COP1: variants seen among roughly 807,000 people sequenced by gnomAD.
The protein encoded by COP1 is COP1 E3 ubiquitin ligase, also known as E3 ubiquitin-protein ligase COP1.
A neutral mutation model predicts 101.3 loss-of-function variants in COP1; 24 were observed. The ratio of observed to expected loss-of-function variants is 0.24; its 90% CI spans 0.17 to 0.33. The LOEUF (loss-of-function observed/expected upper bound fraction) is 0.33, where lower values mean the gene tolerates loss of function less well. Among genes scored for constraint, COP1 ranks in the 10% least tolerant of loss-of-function variants. COP1 has a pLI of 1.00. For missense variants in COP1, 663 were observed against 906.2 expected, an observed-to-expected ratio of 0.73 and a Z score of 3.45; for synonymous variants, 347 against 341.9, an observed-to-expected ratio of 1.01 and a Z score of -0.17.
At chr1:176,048,195 C>CTTTTTTTTT (rs10680105) in intron 11 of COP1, among the ~76,000 whole-genome samples, 2 of 126,622 alleles carry the variant, frequency 1.6e-5, no homozygotes, top group Admixed American at 8.6e-5. Context: ...AATTAAAATT[C>CTTTTTTTTT]TTTTTTTTTT....
chr1:176,145,767 C>T (rs933221252), intron 6 of COP1, among the ~76,000 whole-genome samples: 4 of 152,014 alleles, frequency 2.6e-5, no homozygotes, highest in Non-Finnish European at 5.9e-5. Flanking sequence ...ACTTAAATAA[C>T]GCTCAAAAAC....
intron 18 of COP1, among the ~76,000 whole-genome samples, chr1:175,972,993 C>T (rs187396679): frequency 1.8e-4 from 27 of 151,520 alleles, no homozygotes; most frequent in Non-Finnish European, 3.1e-4. Context: ...CCACCACACC[C>T]GGGTAATTTT....
intron 3 of COP1, among the ~76,000 whole-genome samples, chr1:176,169,456 C>T (rs1036718029): frequency 6.6e-6 from 1 of 152,076 alleles, no homozygotes; most frequent in Non-Finnish European, 1.5e-5. Context: ...ATATACAAAG[C>T]GTACCTTGGA....
intron 3 of COP1, among the ~76,000 whole-genome samples, chr1:176,172,260 G>A (rs182312904): frequency 6.6e-6 from 1 of 152,242 alleles, no homozygotes; most frequent in Non-Finnish European, 1.5e-5. Context: ...CAGACTGGTC[G>A]CAAACTCATG....
intron 15 of COP1, among the ~76,000 whole-genome samples, chr1:175,998,243 T>C (rs1660750403): frequency 1.3e-5 from 2 of 149,464 alleles, no homozygotes; most frequent in South Asian, 4.2e-4. Flanking sequence ...TTCTCACTCA[T>C]AGGTGGGAAT....
intron 9 of COP1, among the ~76,000 whole-genome samples, chr1:176,093,749 A>C (rs1167859226): frequency 6.6e-6 from 1 of 152,198 alleles, no homozygotes; most frequent in South Asian, 2.1e-4. Flanking sequence ...CTCAGGCAGG[A>C]GAATGCTGTG....
intron 15 of COP1, among the ~76,000 whole-genome samples, chr1:175,993,049 C>T (rs1659049297): frequency 2.0e-5 from 3 of 152,142 alleles, no homozygotes; most frequent in South Asian, 2.1e-4. Context: ...GACAAAACTT[C>T]CAGAGGAACG....
chr1:176,184,765 A>T (rs1698241698), intron 1 of COP1, 73 bp from the exon 2 acceptor site: 2 of 988,660 alleles, frequency 2.0e-6, no homozygotes, highest in African/African-American at 3.3e-5. Flanking sequence ...GACTAGTAAC[A>T]ATACCAATGA....
chr1:176,007,238 C>T (rs964500669), intron 15 of COP1, among the ~76,000 whole-genome samples: 22 of 152,212 alleles, frequency 1.4e-4, no homozygotes, highest in Admixed American at 1.0e-3. Context: ...TCTAGTTATA[C>T]ATTCTTCTAA....
intron 11 of COP1, among the ~76,000 whole-genome samples, chr1:176,070,079 CA>C (rs1214655590): frequency 6.6e-6 from 1 of 152,146 alleles, no homozygotes; most frequent in Non-Finnish European, 1.5e-5. Context: ...AGATATCCCC[CA>C]CGAACCCTGT....
chr1:175,995,228 T>C (rs1029806029), intron 15 of COP1, among the ~76,000 whole-genome samples: 3 of 152,206 alleles, frequency 2.0e-5, no homozygotes, highest in African/African-American at 7.2e-5. Context: ...CCAGAATCTC[T>C]GGGACACATT....
chr1:176,175,336 T>C (rs914984603), intron 3 of COP1, among the ~76,000 whole-genome samples: 4 of 152,224 alleles, frequency 2.6e-5, no homozygotes, highest in African/African-American at 9.6e-5. Context: ...GTCTGTCATC[T>C]ACATCAGCAG....
At chr1:175,992,399 A>C (rs1026831546) in intron 15 of COP1, among the ~76,000 whole-genome samples, 2 of 152,154 alleles carry the variant, frequency 1.3e-5, no homozygotes, top group African/African-American at 4.8e-5. Context: ...TGGGTGCAGG[A>C]GAGTGGGTGC....
intron 11 of COP1, among the ~76,000 whole-genome samples, chr1:176,063,374 G>A (rs2481657): frequency 0.75 from 114,764 of 152,128 alleles, 45,067 homozygotes; most frequent in East Asian, 0.92. Context: ...AATGTTTTAT[G>A]TTTTGACTGT....
chr1:176,114,356 TAC>T (rs1420711130), intron 9 of COP1, among the ~76,000 whole-genome samples: 2 of 152,096 alleles, frequency 1.3e-5, no homozygotes, highest in Non-Finnish European at 2.9e-5. Flanking sequence ...CAGGATGATG[TAC>T]AGAGTAGTCA....
chr1:175,973,984 G>T (rs954995932), intron 18 of COP1, among the ~76,000 whole-genome samples: 1 of 152,180 alleles, frequency 6.6e-6, no homozygotes, highest in Non-Finnish European at 1.5e-5. Context: ...TATGCAAGTG[G>T]TAAGAGATTG....
intron 11 of COP1, among the ~76,000 whole-genome samples, chr1:176,074,132 G>A (rs1463901825): frequency 5.9e-5 from 9 of 152,106 alleles, no homozygotes; most frequent in Non-Finnish European, 1.0e-4. Context: ...TCACCATGCT[G>A]GCCAGGCTGG....
At chr1:176,140,817 A>G (rs1272307120) in intron 6 of COP1, among the ~76,000 whole-genome samples, 2 of 152,222 alleles carry the variant, frequency 1.3e-5, no homozygotes, top group Non-Finnish European at 2.9e-5. Context: ...GGTGCCACTT[A>G]GAAAAATAAA....
chr1:176,049,572 TC>T (rs910030956), intron 11 of COP1, among the ~76,000 whole-genome samples: 9 of 150,770 alleles, frequency 6.0e-5, no homozygotes, highest in African/African-American at 1.7e-4. Context: ...GACAAACAGG[TC>T]CCCCCCCTCA....
Sources: gnomAD v4.1 joint callset for allele counts (sites outside exome capture counted in the v4.1 genomes callset) on GRCh38, gnomAD v4.1.1 for gene constraint, MANE v1.5 for transcripts, NCBI Gene and HGNC (gene_info 2026-07-23, HGNC 2026-07-21) for gene names.